The following DLG2 variants were observed in gnomAD, a reference collection of about 807,000 sequenced individuals.
DLG2 encodes the protein disks large homolog 2.
Under a neutral mutation model 132.5 loss-of-function variants are expected in DLG2, and 45 were observed. That is an observed-to-expected ratio of 0.34 (90% CI 0.27 to 0.44). DLG2 has a LOEUF of 0.44. Ranked by LOEUF, DLG2 falls within the 20% of genes least tolerant of loss-of-function variation. DLG2 has a pLI of 1.00. For missense variants in DLG2, 1,045 were observed against 1,196.9 expected, an observed-to-expected ratio of 0.87 and a Z score of 1.87; for synonymous variants, 424 against 419.6, an observed-to-expected ratio of 1.01 and a Z score of -0.13.
chr11:84,441,996 T>C (rs535952508), intron 7 of DLG2, among the ~76,000 whole-genome samples: 1 of 152,292 alleles, frequency 6.6e-6, no homozygotes, highest in East Asian at 1.9e-4. Context: ...TTGGTACCAG[T>C]ACCATGCTGT....
At chr11:85,522,076 T>A (rs1213072405) in intron 3 of DLG2, among the ~76,000 whole-genome samples, 2 of 152,280 alleles carry the variant, frequency 1.3e-5, no homozygotes, top group Non-Finnish European at 1.5e-5. Flanking sequence ...GTCCTTCCCA[T>A]CACAGACCCC....
At chr11:85,166,029 C>A (rs552634970) in intron 4 of DLG2, among the ~76,000 whole-genome samples, 3 of 152,116 alleles carry the variant, frequency 2.0e-5, no homozygotes, top group African/African-American at 4.8e-5. Flanking sequence ...GCAGCATCAG[C>A]GCCACCCAGA....
At chr11:85,398,024 G>A (rs937407341) in intron 3 of DLG2, among the ~76,000 whole-genome samples, 4 of 152,064 alleles carry the variant, frequency 2.6e-5, no homozygotes, top group Non-Finnish European at 5.9e-5. Context: ...CCACATAATT[G>A]GTAGTAAAAC....
At chr11:84,135,676 T>C (rs537120563) in intron 9 of DLG2, among the ~76,000 whole-genome samples, 183 of 152,074 alleles carry the variant, frequency 1.2e-3, no homozygotes, top group Non-Finnish European at 2.1e-3. Flanking sequence ...TGCCGTGTGG[T>C]TGGAGTACAC....
At chr11:85,324,915 G>A (rs937283807) in intron 3 of DLG2, among the ~76,000 whole-genome samples, 5 of 148,164 alleles carry the variant, frequency 3.4e-5, no homozygotes, top group African/African-American at 7.5e-5. Context: ...GTGTGTGTGC[G>A]CACCGTGCGC....
chr11:85,172,026 C>T (rs2078912474), intron 4 of DLG2, among the ~76,000 whole-genome samples: 1 of 152,224 alleles, frequency 6.6e-6, no homozygotes, highest in Non-Finnish European at 1.5e-5. Flanking sequence ...ATGTTCCAGC[C>T]TGCTGGCACT....
intron 6 of DLG2, among the ~76,000 whole-genome samples, chr11:84,972,435 T>C (rs2054233459): frequency 6.6e-6 from 1 of 152,240 alleles, no homozygotes; most frequent in Non-Finnish European, 1.5e-5. Context: ...GTTTTGTCTA[T>C]TACAAGTTGT....
At chr11:85,105,579 C>T (rs960942045) in intron 6 of DLG2, among the ~76,000 whole-genome samples, 1 of 151,830 alleles carries the variant, frequency 6.6e-6, no homozygotes, top group Non-Finnish European at 1.5e-5. Flanking sequence ...GGCTACCACC[C>T]GTATGGCCAA....
At chr11:85,489,429 T>C (rs909628278) in intron 3 of DLG2, among the ~76,000 whole-genome samples, 1 of 152,074 alleles carries the variant, frequency 6.6e-6, no homozygotes, top group African/African-American at 2.4e-5. Context: ...TTATTAGACC[T>C]ACAGAGAGAG....
At chr11:85,018,365 A>G (rs557388615) in intron 6 of DLG2, among the ~76,000 whole-genome samples, 1 of 152,302 alleles carries the variant, frequency 6.6e-6, no homozygotes, top group East Asian at 1.9e-4. Context: ...GGAAGGGGGA[A>G]AAAACCTTTT....
At chr11:83,511,087 G>GACACACACACACAGACAC (rs372046221) in intron 21 of DLG2, among the ~76,000 whole-genome samples, 3 of 138,552 alleles carry the variant, frequency 2.2e-5, no homozygotes, top group Admixed American at 7.3e-5. Flanking sequence ...CACACACACA[G>GACACACACACACAGACAC]ACACACACAC....
rs2152695005 is a variant in DLG2, at chr11:85,251,000, A to T, written c.186+34220T>A. Reference sequence around the variant, plus strand: ...AGACCTAGCAAAGGGTGAGTTGGGAATACATTTAGTTTAATCTTAGTAGGA... The same window carrying T: ...AGACCTAGCAAAGGGTGAGTTGGGATTACATTTAGTTTAATCTTAGTAGGA... On this transcript the variant is annotated intron_variant, in intron 4 of 27. Coordinates refer to ENST00000376104, the MANE Select transcript of DLG2 (RefSeq NM_001142699.3). Among the ~76,000 whole-genome samples, 2 of 152,310 alleles carry T rather than the reference A, an allele frequency of 1.3e-5. 1 individual carries two copies. Among genetic ancestry groups the T allele is most frequent in the South Asian group, 4.1e-4 (2 of 4,832 alleles).
chr11:83,590,630 T>C (rs546695103), intron 19 of DLG2, among the ~76,000 whole-genome samples: 32 of 151,780 alleles, frequency 2.1e-4, no homozygotes, highest in African/African-American at 7.0e-4. Flanking sequence ...AGGCAAGAAA[T>C]AACTAAAATC....
At chr11:83,614,145 T>C (rs555178116) in intron 19 of DLG2, among the ~76,000 whole-genome samples, 74 of 152,118 alleles carry the variant, frequency 4.9e-4, no homozygotes, top group Non-Finnish European at 9.7e-4. Context: ...CAGTGTAGGG[T>C]GGGGAGGTGG....
intron 18 of DLG2, among the ~76,000 whole-genome samples, chr11:83,661,606 T>C (rs771056822): frequency 1.1e-4 from 17 of 152,162 alleles, no homozygotes; most frequent in Non-Finnish European, 1.9e-4. Context: ...CTTTGCCACT[T>C]ATGACTCTAA....
At chr11:83,555,404 A>G (rs191856852) in intron 19 of DLG2, among the ~76,000 whole-genome samples, 180 of 152,306 alleles carry the variant, frequency 1.2e-3, no homozygotes, top group Middle Eastern at 6.8e-3. Flanking sequence ...GGATTGGAGA[A>G]CCATAGATTG....
chr11:84,172,953 TAAAATTTTA>T lies in DLG2; in HGVS notation c.574-9451_574-9443del, dbSNP rs572565582. 2.4e-3 allele frequency among the ~76,000 whole-genome samples: 366 copies of T among 152,306 alleles called. 6 individuals carry two copies. Among genetic ancestry groups the T allele is most frequent in the Admixed American group, 0.02 (306 of 15,296 alleles). On this transcript the variant is annotated intron_variant, in intron 8 of 27. Coordinates refer to ENST00000376104, the MANE Select transcript of DLG2 (RefSeq NM_001142699.3). ...ACAGACTTAATAACTACTATGTTTT[TAAAATTTTA>T]ATTAGAAAGCACACGTTTTTTTGTA...
At position 84,453,524 on chromosome 11, in the gene DLG2, T is replaced by A. The variant is rs938444641; in HGVS notation, c.519+81046A>T. ...GTAAGGCCCAAAAGTTTGTTGGAGT[T>A]AAGGTTCCAACAAGTATTTCAGGTT... On this transcript the variant is annotated intron_variant, in intron 7 of 27. Coordinates refer to ENST00000376104, the MANE Select transcript of DLG2 (RefSeq NM_001142699.3). Among the ~76,000 whole-genome samples, 3 of 151,590 alleles carry A rather than the reference T, an allele frequency of 2.0e-5. No homozygotes were observed. The East Asian group carries it at 5.8e-4, about 29-fold the overall frequency.
chr11:83,505,069 GCACTTCATGAGTC>G (rs1363313811), intron 21 of DLG2, among the ~76,000 whole-genome samples: 1 of 152,170 alleles, frequency 6.6e-6, no homozygotes, highest in Non-Finnish European at 1.5e-5. Flanking sequence ...AGTGGATAAG[GCACTTCATGAGTC>G]CACAGATGGT....
Sources: gnomAD v4.1 joint callset for allele counts (sites outside exome capture counted in the v4.1 genomes callset) on GRCh38, gnomAD v4.1.1 for gene constraint, MANE v1.5 for transcripts, NCBI Gene and HGNC (gene_info 2026-07-23, HGNC 2026-07-21) for gene names.